Variants in RGS20 observed in about 807,000 individuals in gnomAD.
RGS20 encodes regulator of G protein signaling 20.
Under a neutral mutation model 33.6 loss-of-function variants are expected in RGS20, and 30 were observed. That is an observed-to-expected ratio of 0.89 (90% confidence interval 0.67 to 1.21). The LOEUF is 1.21. RGS20 is among the 50% of genes most tolerant of loss of function. The pLI is 0.00. For missense variants in RGS20, 472 were observed against 502.4 expected (o/e 0.94, Z 0.58); for synonymous variants, 208 against 197.9 (o/e 1.05, Z -0.43).
chr8:53,858,192 C>T (rs941235959), intron 1 of RGS20, among the ~76,000 whole-genome samples: 4 of 152,062 alleles, frequency 2.6e-5, no homozygotes, highest in African/African-American at 9.7e-5. Flanking sequence ...TGGTGATCAA[C>T]TTAAAAGTAA....
intron 2 of RGS20, among the ~76,000 whole-genome samples, chr8:53,884,488 C>T (rs1812483616): frequency 6.6e-6 from 1 of 152,106 alleles, no homozygotes; most frequent in Admixed American, 6.5e-5. Flanking sequence ...TCACTGTAAA[C>T]GTTTTAGCTG....
At chr8:53,943,940 G>A (rs984271026) in intron 3 of RGS20, among the ~76,000 whole-genome samples, 5 of 151,534 alleles carry the variant, frequency 3.3e-5, no homozygotes, top group African/African-American at 7.3e-5. Flanking sequence ...ATGAAAGAAA[G>A]AAGTCAAAAG....
chr8:53,948,484 CTA>C (rs1294036268), intron 4 of RGS20, among the ~76,000 whole-genome samples: 12 of 122,550 alleles, frequency 9.8e-5, no homozygotes, highest in South Asian at 2.7e-4. Flanking sequence ...TTTACATATG[CTA>C]TATATGATAC....
Position 53,876,294 on chromosome 8 carries a change from G to T in RGS20, c.166-2964G>T, listed in dbSNP as rs572297049. 4 of 152,182 alleles carry T rather than the reference G, an allele frequency of 2.6e-5. No individual in the cohort carries two copies. The East Asian group carries it at 7.7e-4, about 29-fold the overall frequency. 9.4% of individuals were successfully genotyped at this position (152,182 alleles called of 1,614,324 possible). The stretch of plus-strand genomic sequence containing the variant: ...TTCCATTTGAAATGGGCAAGACATT[G>T]TTCATACGGATTTAGGCTGTGGCGA... On this transcript the variant is annotated intron_variant, in intron 1 of 5. Coordinates refer to ENST00000297313, the MANE Select transcript of RGS20 (RefSeq NM_170587.4).
At chr8:53,852,363 G>A (rs1811586329) in intron 1 of RGS20, among the ~76,000 whole-genome samples, 1 of 152,014 alleles carries the variant, frequency 6.6e-6, no homozygotes, top group Non-Finnish European at 1.5e-5. Flanking sequence ...AGATTTTGTG[G>A]CTATTAGTGT....
intron 2 of RGS20, among the ~76,000 whole-genome samples, chr8:53,907,341 C>T (rs967893190): frequency 3.3e-5 from 5 of 152,062 alleles, no homozygotes; most frequent in Admixed American, 3.3e-4. Flanking sequence ...AATACCAGCA[C>T]TTTGAGAGGC....
At chr8:53,863,523 GT>G (rs1291074149) in intron 1 of RGS20, among the ~76,000 whole-genome samples, 1 of 152,144 alleles carries the variant, frequency 6.6e-6, no homozygotes, top group Non-Finnish European at 1.5e-5. Context: ...TTGAGGCTCA[GT>G]TGTAACTAAC....
At chr8:53,936,855 T>C (rs1279786738) in intron 2 of RGS20, among the ~76,000 whole-genome samples, 1 of 152,148 alleles carries the variant, frequency 6.6e-6, no homozygotes, top group African/African-American at 2.4e-5. Flanking sequence ...TACTACAATG[T>C]TGTAGTAACC....
chr8:53,912,364 T>C (rs993995022), intron 2 of RGS20, among the ~76,000 whole-genome samples: 1 of 152,112 alleles, frequency 6.6e-6, no homozygotes, highest in African/African-American at 2.4e-5. Flanking sequence ...TTTTTTTTTT[T>C]TTTTTGCCAA....
chr8:53,908,638 C>T (rs1813250123), intron 2 of RGS20, among the ~76,000 whole-genome samples: 1 of 129,132 alleles, frequency 7.7e-6, no homozygotes, highest in Admixed American at 7.0e-5. Flanking sequence ...GAAACTCCAT[C>T]TCAAAAAAAA....
At chr8:53,931,815 C>A (rs1813973809) in intron 2 of RGS20, among the ~76,000 whole-genome samples, 1 of 152,102 alleles carries the variant, frequency 6.6e-6, no homozygotes, top group African/African-American at 2.4e-5. Context: ...GAACTCCCTC[C>A]CCTAGCCAAG....
intron 1 of RGS20, among the ~76,000 whole-genome samples, chr8:53,874,476 T>C (rs1812153276): frequency 6.6e-6 from 1 of 151,980 alleles, no homozygotes; most frequent in South Asian, 2.1e-4. Context: ...CTCATGTAAT[T>C]GTGGAGGGTG....
intron 2 of RGS20, among the ~76,000 whole-genome samples, chr8:53,920,770 T>C (rs1813619460): frequency 6.6e-6 from 1 of 152,180 alleles, no homozygotes; most frequent in South Asian, 2.1e-4. Flanking sequence ...AATAATTTTT[T>C]TTTTGAGACG....
At chr8:53,857,351 G>C (rs868788643) in intron 1 of RGS20, among the ~76,000 whole-genome samples, 1 of 152,194 alleles carries the variant, frequency 6.6e-6, no homozygotes, top group Non-Finnish European at 1.5e-5. Flanking sequence ...TGGGTTCTCA[G>C]TGAGCAGTAC....
intron 2 of RGS20, among the ~76,000 whole-genome samples, chr8:53,918,436 C>T (rs576246112): frequency 3.1e-4 from 47 of 149,872 alleles, no homozygotes; most frequent in African/African-American, 1.2e-3. Flanking sequence ...TTGCCCGGGC[C>T]GAAGTACAAT....
In RGS20 at chr8:53,887,867, A is replaced by G. The variant is rs141679278; in HGVS notation, c.510+8265A>G. Among the ~76,000 whole-genome samples the G allele has an allele frequency of 9.4e-3, 1,430 of 152,142 alleles. 14 individuals are homozygous for G. Among genetic ancestry groups the G allele is most frequent in the East Asian group, 0.042 (218 of 5,172 alleles). On this transcript the variant is annotated intron_variant, in intron 2 of 5. Coordinates refer to ENST00000297313, the MANE Select transcript of RGS20 (RefSeq NM_170587.4). ...GTGGTGCACACCTGTAGTCCCAGCT[A>G]CTTGGGAGGCTGAGGCTGGAGAATC... is the stretch of plus-strand genomic sequence containing the variant.
chr8:53,883,483 T>C (rs1344432817), intron 2 of RGS20, among the ~76,000 whole-genome samples: 4 of 152,120 alleles, frequency 2.6e-5, no homozygotes, highest in South Asian at 2.1e-4. Flanking sequence ...ATCTTTCTTA[T>C]CACGTATTAG....
intron 2 of RGS20, among the ~76,000 whole-genome samples, chr8:53,911,605 C>T (rs373148499): frequency 4.6e-5 from 7 of 152,012 alleles, no homozygotes; most frequent in Admixed American, 6.6e-5. Flanking sequence ...TAGAAAAAAT[C>T]GAAAAGGTGT....
chr8:53,919,315 A>G (rs533651104), intron 2 of RGS20, among the ~76,000 whole-genome samples: 61 of 144,772 alleles, frequency 4.2e-4, no homozygotes, highest in African/African-American at 1.5e-3. Context: ...ACTTCCATAT[A>G]TTTTTTCCCA....
Sources: gnomAD v4.1 joint callset for allele counts (sites outside exome capture counted in the v4.1 genomes callset) on GRCh38, gnomAD v4.1.1 for gene constraint, MANE v1.5 for transcripts, NCBI Gene and HGNC (gene_info 2026-07-23, HGNC 2026-07-21) for gene names.